Variants in ALPK2 observed in about 807,000 individuals in gnomAD.
ALPK2 encodes the protein alpha-protein kinase 2.
Under a neutral mutation model 163.1 loss-of-function variants are expected in ALPK2, and 127 were observed. The observed-to-expected ratio is 0.78, with a 90% CI of 0.67 to 0.90. ALPK2 has a LOEUF of 0.90. Among genes scored for constraint, ALPK2 ranks in the 40% least tolerant of loss-of-function variants. ALPK2 has a pLI of 0.00. For synonymous variants in ALPK2, 953 were observed against 959.1 expected, an observed-to-expected ratio of 0.99 and a Z score of 0.12; for missense variants, 2,360 against 2,589.6, an observed-to-expected ratio of 0.91 and a Z score of 1.92.
At chr18:58,512,216 T>A (rs976291968) in intron 10 of ALPK2, 1 of 152,200 alleles carries the variant, frequency 6.6e-6, no homozygotes, top group Non-Finnish European at 1.5e-5. Flanking sequence ...GGGCTCTTAT[T>A]AATTCTGCAT....
chr18:58,604,875 TTCTGC>T (rs1008525968), intron 3 of ALPK2, among the ~76,000 whole-genome samples: 2 of 152,236 alleles, frequency 1.3e-5, no homozygotes, highest in African/African-American at 4.8e-5. Context: ...TTTGTATACC[TTCTGC>T]TTTGACTTGC....
At chr18:58,514,711 A>C (rs4940724) in intron 10 of ALPK2, among the ~76,000 whole-genome samples, 88,655 of 151,602 alleles carry the variant, frequency 0.58, 26,022 homozygotes, top group East Asian at 0.74. Flanking sequence ...AACATGGTAG[A>C]TTCATTTATT....
At position 58,578,968 on chromosome 18, in the gene ALPK2, G is replaced by C. The variant is rs1224328178; in HGVS notation, c.1808C>G (p.Ala603Gly). 3 of 1,614,212 alleles carry C rather than the reference G, an allele frequency of 1.9e-6. No homozygotes were observed. The East Asian group carries it at 6.7e-5, about 36-fold the overall frequency. ...TTCTTGCTCTGCCTGGGTTGAAATA[G>C]CACATTCTCTTGCATCAGCATGGGA... ...RSSHADAREC[A>G]ISTQAEQEAK... Residue 603 changes from alanine (A) to glycine (G), a missense_variant, in exon 4 of 13, where the codon GCT (alanine) becomes GGT (glycine). By Grantham distance (60) the Ala-to-Gly change is moderately conservative. Transcript: ENST00000361673.
intron 12 of ALPK2, among the ~76,000 whole-genome samples, chr18:58,482,968 G>A (rs1365068888): frequency 6.6e-6 from 1 of 152,156 alleles, no homozygotes; most frequent in Non-Finnish European, 1.5e-5. Context: ...CTAGGAAAGT[G>A]ACCCTGCAGG....
At chr18:58,573,256 A>ATATATGTGTATATATATGTATATATGTG (rs2051896573) in intron 4 of ALPK2, among the ~76,000 whole-genome samples, 3 of 133,870 alleles carry the variant, frequency 2.2e-5, no homozygotes, top group African/African-American at 8.7e-5. Context: ...GTATATATGT[A>ATATATGTGTATATATATGTATATATGTG]TATATGTGTA....
At chr18:58,581,579 A>G (rs1020531456) in intron 3 of ALPK2, among the ~76,000 whole-genome samples, 44 of 152,246 alleles carry the variant, frequency 2.9e-4, no homozygotes, top group African/African-American at 1.1e-3. Context: ...CAGCATCACA[A>G]GGAGCCTGCA....
intron 5 of ALPK2, among the ~76,000 whole-genome samples, chr18:58,531,486 T>C (rs1468483080): frequency 6.6e-6 from 1 of 152,084 alleles, no homozygotes; most frequent in African/African-American, 2.4e-5. Context: ...ATCTGGTGTC[T>C]TCCTGGTGGC....
chr18:58,606,967 TG>T (rs2052101475), intron 3 of ALPK2, among the ~76,000 whole-genome samples: 1 of 152,200 alleles, frequency 6.6e-6, no homozygotes, highest in African/African-American at 2.4e-5. Context: ...TTCCTACCCA[TG>T]GAAGTTTGGA....
intron 3 of ALPK2, among the ~76,000 whole-genome samples, chr18:58,590,950 C>T (rs2052011965): frequency 6.6e-6 from 1 of 152,184 alleles, no homozygotes; most frequent in African/African-American, 2.4e-5. Flanking sequence ...GCTCCCATGA[C>T]TGCTGGCTTC....
intron 12 of ALPK2, among the ~76,000 whole-genome samples, chr18:58,495,331 A>C (rs11152080): frequency 0.69 from 104,279 of 152,020 alleles, 36,404 homozygotes; most frequent in Middle Eastern, 0.79. Context: ...CAAACACTTC[A>C]GAATCTCCTC....
At chr18:58,553,122 G>T (rs2051768417) in intron 4 of ALPK2, among the ~76,000 whole-genome samples, 1 of 152,196 alleles carries the variant, frequency 6.6e-6, no homozygotes, top group Non-Finnish European at 1.5e-5. Flanking sequence ...AGCTAGGCCA[G>T]AAGTATGGGA....
chr18:58,570,910 C>T (rs1444155705), intron 4 of ALPK2, among the ~76,000 whole-genome samples: 2 of 152,224 alleles, frequency 1.3e-5, no homozygotes, highest in African/African-American at 2.4e-5. Flanking sequence ...CCTGGCTATA[C>T]GCCCAGCTCG....
intron 12 of ALPK2, among the ~76,000 whole-genome samples, chr18:58,484,752 T>TATTATAATAATA (rs1555659655): frequency 8.7e-5 from 13 of 149,696 alleles, no homozygotes; most frequent in African/African-American, 2.7e-4. Flanking sequence ...CAAAAAATAA[T>TATTATAATAATA]ATAATAATAA....
chr18:58,484,822 G>A (rs1011123873), intron 12 of ALPK2, among the ~76,000 whole-genome samples: 2 of 152,132 alleles, frequency 1.3e-5, no homozygotes, highest in Non-Finnish European at 2.9e-5. Context: ...TAGAAACCAT[G>A]TAGCTCAGGG....
chr18:58,532,033 T>A (rs1330085690), intron 5 of ALPK2, among the ~76,000 whole-genome samples: 1 of 151,978 alleles, frequency 6.6e-6, no homozygotes, highest in Admixed American at 6.6e-5. Context: ...AAGAGAATTA[T>A]TTTTCCTGTC....
chr18:58,580,463 C>G lies in ALPK2; in HGVS notation c.313G>C (p.Glu105Gln). Residue 105 changes from glutamate (E) to glutamine (Q), a missense_variant, in exon 4 of 13, where the codon GAG becomes CAG. Transcript: ENST00000361673. ...AATTGTGGGTTCTCTGATGAGCACT[C>G]AACCTCAACGGAAGCAGAACAACAG... The part of the protein sequence containing the change: ...MICCSASVEV[E>Q]CSSENPQLSP... The G allele has an allele frequency of 1.9e-6, 3 of 1,614,186 alleles. No homozygotes were observed. Among genetic ancestry groups the G allele is most frequent in the Non-Finnish European group, 2.5e-6 (3 of 1,180,034 alleles).
chr18:58,488,552 AC>A (rs1009603818), intron 12 of ALPK2, among the ~76,000 whole-genome samples: 2 of 150,430 alleles, frequency 1.3e-5, no homozygotes, highest in African/African-American at 4.9e-5. Context: ...AGTTAGAGAA[AC>A]CAAGGTTCTT....
chr18:58,582,455 C>G (rs1221371807), intron 3 of ALPK2, among the ~76,000 whole-genome samples: 1 of 152,120 alleles, frequency 6.6e-6, no homozygotes, highest in Non-Finnish European at 1.5e-5. Context: ...TGGAGACAGC[C>G]TCATCCTCAT....
At chr18:58,606,979 C>T (rs2052101529) in intron 3 of ALPK2, among the ~76,000 whole-genome samples, 1 of 152,194 alleles carries the variant, frequency 6.6e-6, no homozygotes, top group South Asian at 2.1e-4. Flanking sequence ...GAAGTTTGGA[C>T]AACAATGCTG....
Sources: allele counts gnomAD v4.1 joint callset (sites outside exome capture counted in the v4.1 genomes callset), GRCh38; gene constraint gnomAD v4.1.1; transcripts MANE v1.5; gene names NCBI Gene and HGNC (gene_info 2026-07-23, HGNC 2026-07-21).